Variants in PIEZO2 observed in about 807,000 individuals in gnomAD.
PIEZO2 encodes piezo-type mechanosensitive ion channel component 2.
In PIEZO2, 172 loss-of-function variants were observed where a neutral mutation model predicts 337.3. The ratio of observed to expected loss-of-function variants is 0.51; its 90% CI spans 0.45 to 0.58. The LOEUF is 0.58. PIEZO2 is among the 20% of genes least tolerant of loss of function. The probability of loss-of-function intolerance (pLI) is 0.00; values close to 1 mark genes in which losing one functional copy is unlikely to be tolerated. For missense variants in PIEZO2, 3,028 were observed against 3,391.3 expected (o/e 0.89, Z 2.66); for synonymous variants, 1,251 against 1,228.5 (o/e 1.02, Z -0.38).
intron 10 of PIEZO2, among the ~76,000 whole-genome samples, chr18:10,800,996 T>C (rs1325589844): frequency 2.6e-5 from 4 of 152,262 alleles, no homozygotes; most frequent in Non-Finnish European, 5.9e-5. Flanking sequence ...GACTGCAGGT[T>C]GCTATGTCCT....
At chr18:10,849,032 A>G (rs1343957122) in intron 7 of PIEZO2, among the ~76,000 whole-genome samples, 2 of 152,140 alleles carry the variant, frequency 1.3e-5, no homozygotes, top group African/African-American at 4.8e-5. Flanking sequence ...TTTGAGACAG[A>G]ATCTCGCTCT....
chr18:11,145,901 C>T lies in PIEZO2; in HGVS notation c.64+2624G>A, dbSNP rs148622495. On this transcript the variant is annotated intron_variant, in intron 1 of 55. Transcript: ENST00000674853. ...TCTCTTCCAGCCAGGGGCCAGTCCA[C>T]CTCCTCTGCTTTCTCCTGGATGAGG... is the stretch of plus-strand genomic sequence containing the variant. Among the ~76,000 whole-genome samples the T allele has an allele frequency of 3.2e-3, 485 of 152,286 alleles. 3 individuals carry two copies. The highest frequency in any genetic ancestry group is 0.011 in the African/African-American group (449 of 41,560).
At position 11,078,147 on chromosome 18, in the gene PIEZO2, CCA is replaced by C. The variant is rs1309968959; in HGVS notation, c.65-11927_65-11926del. On this transcript the variant is annotated intron_variant, in intron 1 of 55. Transcript: ENST00000674853. The surrounding 1 kb of genome is among the most constrained non-coding windows in gnomAD (Gnocchi z 5.3). ...ATACACACACATACACACACACTCA[CCA>C]CACACACACATACACACACCACACA... 1.3e-5 allele frequency among the ~76,000 whole-genome samples: 2 copies of C among 149,914 alleles called. No homozygotes were observed. The highest frequency in any genetic ancestry group is 3.0e-5 in the Non-Finnish European group (2 of 67,264).
Position 10,830,719 on chromosome 18 carries a change from A to C in PIEZO2, c.918-23445T>G, listed in dbSNP as rs2040820463. Among the ~76,000 whole-genome samples the C allele has an allele frequency of 6.6e-6, 1 of 152,220 alleles. No individual in the cohort carries two copies. The highest frequency in any genetic ancestry group is 6.5e-5 in the Admixed American group (1 of 15,274). The stretch of plus-strand genomic sequence containing the variant: ...TGAAACGCTTCTGAACGGCAAAGGA[A>C]ACAATTAGCAAAGTAAAGAGACAAT... On this transcript the variant is annotated intron_variant, in intron 7 of 55. Transcript: ENST00000674853. This position sits in a 1 kb window ranked among gnomAD's most constrained non-coding sequence, Gnocchi z 4.7.
At chr18:10,983,344 A>C (rs1057077068) in intron 2 of PIEZO2, among the ~76,000 whole-genome samples, 1 of 152,164 alleles carries the variant, frequency 6.6e-6, no homozygotes, top group Non-Finnish European at 1.5e-5. Flanking sequence ...AAAAATATTA[A>C]AGAGGATAAG....
Position 10,714,793 on chromosome 18 carries a change from A to G in PIEZO2, c.5394T>C (p.Asp1798=), listed in dbSNP as rs1410277498. ...ASGAQTAHRM[D]SLDSHDSISS... ...AGATACTGTCATGTGAATCTAAACT[A>G]TCCATCCTGTGGGCTGTCTGTGCAC... is the stretch of plus-strand genomic sequence containing the variant. The change falls in exon 39 of 56, where the codon GAT becomes GAC. Residue 1798 remains aspartate, a synonymous_variant. Coordinates refer to ENST00000674853, the MANE Select transcript of PIEZO2 (RefSeq NM_001378183.1). 2 of 1,537,134 alleles carry G rather than the reference A, an allele frequency of 1.3e-6. No individual in the cohort carries two copies. The highest frequency in any genetic ancestry group is 8.7e-7 in the Non-Finnish European group (1 of 1,146,904).
intron 2 of PIEZO2, among the ~76,000 whole-genome samples, chr18:11,056,470 T>G (rs1277792232): frequency 6.6e-6 from 1 of 152,234 alleles, no homozygotes; most frequent in East Asian, 1.9e-4. Flanking sequence ...TTAGAATTCT[T>G]GATTTGCTAT....
intron 30 of PIEZO2, among the ~76,000 whole-genome samples, chr18:10,745,015 T>C (rs980364580): frequency 1.3e-5 from 2 of 151,760 alleles, no homozygotes; most frequent in Admixed American, 6.5e-5. Context: ...TTTCAAACTC[T>C]GCTACGCTTT....
chr18:10,891,183 G>C (rs1317232477), intron 4 of PIEZO2, among the ~76,000 whole-genome samples: 1 of 152,106 alleles, frequency 6.6e-6, no homozygotes, highest in African/African-American at 2.4e-5. Context: ...AATTAGCTGG[G>C]TGTGGTGGTG....
chr18:11,029,053 A>G (rs943921129), intron 2 of PIEZO2, among the ~76,000 whole-genome samples: 9 of 152,270 alleles, frequency 5.9e-5, no homozygotes, highest in African/African-American at 2.2e-4. Flanking sequence ...AACTCGTAAT[A>G]GCAAAAAATT....
rs1457433003 is a variant in PIEZO2 at position 10,680,291 on chromosome 18, C to A, written c.7860G>T (p.Trp2620Cys). 6.2e-7 allele frequency: 1 copy of A among 1,613,918 alleles called. No homozygotes were observed. The highest frequency in any genetic ancestry group is 8.5e-7 in the Non-Finnish European group (1 of 1,179,910). Residue 2620 changes from tryptophan (W) to cysteine (C), a missense_variant, in exon 52 of 56, where the codon TGG becomes TGT. By Grantham distance (215) the Trp-to-Cys change is radical. Around this residue, in one of 5 missense-constraint regions of PIEZO2, gnomAD observed 332 missense variants for 363.8 expected, o/e 0.91. Transcript: ENST00000674853. ...AELEGNSNSL[W>C]TISPPSKQKM... ...TCTGCTTACTGGGTGGGCTGATGGTCCACAAAGAATTTGAGTTTCCTTCCA... is the reference window on the plus strand; with the variant it reads ...TCTGCTTACTGGGTGGGCTGATGGTACACAAAGAATTTGAGTTTCCTTCCA...
chr18:10,736,157 G>A (rs375199841), intron 34 of PIEZO2, among the ~76,000 whole-genome samples: 2 of 152,104 alleles, frequency 1.3e-5, no homozygotes, highest in African/African-American at 4.8e-5. Context: ...CATATGAAAC[G>A]GTTTTCAAAC....
chr18:11,020,147 C>G (rs2036259921), intron 2 of PIEZO2, among the ~76,000 whole-genome samples: 1 of 152,094 alleles, frequency 6.6e-6, no homozygotes, highest in Admixed American at 6.5e-5. Flanking sequence ...TCACACAATT[C>G]TTTCCTCAGC....
chr18:10,705,476 C>T lies in PIEZO2; in HGVS notation c.5859G>A (p.Leu1953=). The change falls in exon 41 of 56, where the codon CTG becomes CTA. Residue 1953 remains leucine, a synonymous_variant. Coordinates refer to ENST00000674853, the MANE Select transcript of PIEZO2 (RefSeq NM_001378183.1). ...SYSKAVSFEH[L]SFGSQDDSAG... ...CAGAGTCGTCCTGCGAGCCGAAGGACAGATGCTCGAAGCTCACAGCCTTGC... is the reference window on the plus strand; with the variant it reads ...CAGAGTCGTCCTGCGAGCCGAAGGATAGATGCTCGAAGCTCACAGCCTTGC... 6.5e-7 allele frequency: 1 copy of T among 1,537,276 alleles called. No individual in the cohort carries two copies. Among genetic ancestry groups the T allele is most frequent in the Non-Finnish European group, 8.7e-7 (1 of 1,146,922 alleles).
chr18:10,797,882 A>C lies in PIEZO2; in HGVS notation c.1379-360T>G, dbSNP rs532000399. Among the ~76,000 whole-genome samples the C allele has an allele frequency of 5.3e-5, 8 of 152,234 alleles. No homozygotes were observed. In the South Asian group the frequency reaches 1.2e-3, roughly 24 times the overall value. The stretch of plus-strand genomic sequence containing the variant: ...AAGCTTCTTCTAACACAAATAGGGC[A>C]CTCTAGAGGGGATGAAGGGTCACTT... On this transcript the variant is annotated intron_variant, in intron 11 of 55. Transcript: ENST00000674853.
At chr18:11,130,783 G>A (rs541140064) in intron 1 of PIEZO2, among the ~76,000 whole-genome samples, 50 of 152,288 alleles carry the variant, frequency 3.3e-4, no homozygotes, top group Non-Finnish European at 4.3e-4. Context: ...AGAGGCACAT[G>A]GCCTGTTTGG....
chr18:10,833,030 G>A lies in PIEZO2; in HGVS notation c.917+22323C>T, dbSNP rs2040895385. Among the ~76,000 whole-genome samples, 1 of 152,200 alleles carries A rather than the reference G, an allele frequency of 6.6e-6. No homozygotes were observed. The highest frequency in any genetic ancestry group is 1.5e-5 in the Non-Finnish European group (1 of 68,038). ...CACTACAGGATCCTGGAGGCTCTGA[G>A]GGATGTGGAAGGTATTTCTCCAGAA... is the stretch of plus-strand genomic sequence containing the variant. On this transcript the variant is annotated intron_variant, in intron 7 of 55. Coordinates refer to ENST00000674853, the MANE Select transcript of PIEZO2 (RefSeq NM_001378183.1). The surrounding 1 kb of genome is among the most constrained non-coding windows in gnomAD (Gnocchi z 4.7).
At chr18:10,922,964 C>T (rs2031518569) in intron 3 of PIEZO2, among the ~76,000 whole-genome samples, 1 of 152,072 alleles carries the variant, frequency 6.6e-6, no homozygotes, top group Non-Finnish European at 1.5e-5. Flanking sequence ...TCTGAGCTGC[C>T]TTTGAATGGG....
rs2041616338 is a variant in PIEZO2, at chr18:10,853,531, T to C, written c.917+1822A>G. Among the ~76,000 whole-genome samples the C allele has an allele frequency of 6.6e-6, 1 of 152,228 alleles. No homozygotes were observed. The highest frequency in any genetic ancestry group is 2.4e-5 in the African/African-American group (1 of 41,470). ...ATTCGCTGTCAGTAACATACTTTGG[T>C]GCTGCGAGACTCAGATGTGTTTCAC... On this transcript the variant is annotated intron_variant, in intron 7 of 55. Transcript: ENST00000674853. The surrounding 1 kb of genome is among the most constrained non-coding windows in gnomAD (Gnocchi z 4.2).
Sources: allele counts gnomAD v4.1 joint callset (sites outside exome capture counted in the v4.1 genomes callset), GRCh38; gene constraint gnomAD v4.1.1; regional missense constraint gnomAD v4.1.1; non-coding constraint Gnocchi (gnomAD v3.1); transcripts MANE v1.5; gene names NCBI Gene and HGNC (gene_info 2026-07-23, HGNC 2026-07-21).